CNGB1: variants seen among roughly 807,000 people sequenced by gnomAD.
CNGB1 encodes cyclic nucleotide-gated channel beta-1.
CNGB1 carries 126 observed loss-of-function variants against 151.7 expected under a neutral mutation model. The ratio of observed to expected loss-of-function variants is 0.83; its 90% CI spans 0.72 to 0.96. The LOEUF is 0.96. Ranked by LOEUF, CNGB1 falls within the 40% of genes least tolerant of loss-of-function variation. The pLI, the probability that CNGB1 is intolerant of heterozygous loss-of-function variation, is 0.00. For missense variants in CNGB1, 1,698 were observed against 1,627.0 expected (o/e 1.04, Z -0.75); for synonymous variants, 623 against 635.1 (o/e 0.98, Z 0.29).
chr16:57,903,740 G>C, intron 27 of CNGB1, 82 bp downstream of exon 27: 1 of 1,516,334 alleles, frequency 6.6e-7, no homozygotes, highest in Non-Finnish European at 9.1e-7. Context: ...GGACGAGGGA[G>C]GCGCCCCGAA....
In CNGB1 at chr16:57,882,784, T is replaced by C. The variant is rs533584185; in HGVS notation, c.*1380A>G. 45 of 146,858 alleles carry C rather than the reference T, an allele frequency of 3.1e-4. No homozygotes were observed. The highest frequency in any genetic ancestry group is 1.0e-3 in the African/African-American group (41 of 40,358). The allele number at this position is 146,858 out of a possible 1,614,324, so 9.1% of individuals were successfully genotyped here. A position where few individuals can be genotyped will look rare whatever the true frequency, so the allele number is the denominator to read the frequency against. ...CATTCCCTGAATGACCCTTTTTTCT[T>C]TTTTTTTCTTTTTTCTTTTTTTTTT... On this transcript the variant is annotated 3_prime_UTR_variant, in exon 33 of 33. Transcript: ENST00000251102.
Position 57,967,168 on chromosome 16 carries a change from T to G in CNGB1, c.119A>C (p.Glu40Ala), listed in dbSNP as rs1006717861. 5 of 1,614,068 alleles carry G rather than the reference T, an allele frequency of 3.1e-6. No individual in the cohort carries two copies. The Admixed American group carries it at 5.0e-5, about 16-fold the overall frequency. The change falls in exon 2 of 33, where the codon GAA becomes GCA. Residue 40 changes from glutamate (E) to alanine (A), a missense_variant. Physicochemically the swap from Glu to Ala is moderately radical, Grantham distance 107. Transcript: ENST00000251102. ...TGTCTCGGCCTCCTCAGGATTCGGT[T>G]CTGGTTCCACCTCCGCCTCCATCTC... ...EPEMEAEVEP[E>A]PNPEEAETES...
intron 16 of CNGB1, chr16:57,937,354 TGGGGA>T (rs1961540519): frequency 6.6e-6 from 1 of 152,450 alleles, no homozygotes; most frequent in South Asian, 2.1e-4. Context: ...GGAGTGACCC[TGGGGA>T]CTGCAATTAG....
At position 57,923,288 on chromosome 16, in the gene CNGB1, G is replaced by A. The variant is rs1961097251; in HGVS notation, c.1628C>T (p.Thr543Ile). 1.2e-6 allele frequency: 2 copies of A among 1,612,790 alleles called. No individual in the cohort carries two copies. Among genetic ancestry groups the A allele is most frequent in the South Asian group, 1.1e-5 (1 of 91,038 alleles). Residue 543 changes from threonine (T) to isoleucine (I), a missense_variant, in exon 18 of 33, where the codon ACC becomes ATC. Physicochemically the swap from Thr to Ile is moderately conservative, Grantham distance 89 (BLOSUM62 -1). Transcript: ENST00000251102. ...GGGGTCTCACTCAGTGTCCTTCGGG[G>A]TGGTGGGGTCAGACCAGGCAACCAC... ...SPVVAWSDPTTPKDTDGQDRA... is the reference protein window; with the variant it reads ...SPVVAWSDPTIPKDTDGQDRA...
intron 1 of CNGB1, among the ~76,000 whole-genome samples, chr16:57,967,879 A>G (rs1239277815): frequency 1.3e-5 from 2 of 152,172 alleles, no homozygotes; most frequent in Non-Finnish European, 2.9e-5. Flanking sequence ...GGTTGCAACA[A>G]TGTTATAGCA....
intron 26 of CNGB1, 50 bp from the exon 27 acceptor site, chr16:57,904,031 T>C: frequency 6.4e-7 from 1 of 1,571,648 alleles, no homozygotes; most frequent in Non-Finnish European, 8.7e-7. Context: ...TCATTGGGGG[T>C]GGGCGCTATT....
At chr16:57,950,270 A>G in intron 13 of CNGB1, 111 bp downstream of exon 13, 2 of 1,293,350 alleles carry the variant, frequency 1.5e-6, no homozygotes, top group Non-Finnish European at 2.2e-6. Context: ...AGGCAGGGGG[A>G]AGCAGGCTTG....
At chr16:57,899,351 A>G (rs574018243) in intron 29 of CNGB1, among the ~76,000 whole-genome samples, 4 of 152,246 alleles carry the variant, frequency 2.6e-5, no homozygotes, top group African/African-American at 9.6e-5. Context: ...ATAATAATTA[A>G]AAAGGGGGCC....
chr16:57,900,416 C>T (rs898342226), intron 29 of CNGB1, among the ~76,000 whole-genome samples: 6 of 152,168 alleles, frequency 3.9e-5, no homozygotes, highest in Non-Finnish European at 7.3e-5. Flanking sequence ...AATGTTTCCC[C>T]CCGTATGCTT....
chr16:57,926,838 G>T (rs1345060307), intron 17 of CNGB1, among the ~76,000 whole-genome samples: 1 of 152,136 alleles, frequency 6.6e-6, no homozygotes, highest in Admixed American at 6.5e-5. Context: ...AAATTAGCCG[G>T]GTATGGTGGC....
At chr16:57,933,902 T>C (rs1961431674) in intron 16 of CNGB1, among the ~76,000 whole-genome samples, 1 of 151,952 alleles carries the variant, frequency 6.6e-6, no homozygotes, top group Non-Finnish European at 1.5e-5. Context: ...TTTGTATTTT[T>C]AGTGGAGACG....
At chr16:57,923,081 A>G (rs1290589905) in intron 18 of CNGB1, 192 bp downstream of exon 18, 7 of 480,438 alleles carry the variant, frequency 1.5e-5, no homozygotes. Flanking sequence ...GGTTGAGCCC[A>G]CTGGATTTAA....
intron 31 of CNGB1, among the ~76,000 whole-genome samples, chr16:57,888,908 T>C (rs1960011452): frequency 6.6e-6 from 1 of 152,186 alleles, no homozygotes; most frequent in Non-Finnish European, 1.5e-5. Flanking sequence ...ATCACAATTA[T>C]CAGCATTTAC....
intron 17 of CNGB1, among the ~76,000 whole-genome samples, chr16:57,925,472 C>T (rs1401331197): frequency 1.3e-5 from 2 of 152,096 alleles, no homozygotes; most frequent in East Asian, 3.9e-4. Flanking sequence ...AAATAAAATG[C>T]AAGTTGGGAG....
intron 12 of CNGB1, chr16:57,955,510 T>C (rs1424838381): frequency 4.1e-6 from 3 of 723,382 alleles, no homozygotes; most frequent in South Asian, 3.4e-5. Context: ...CCCCATGACA[T>C]GGGACGTGAG....
Position 57,887,932 on chromosome 16 carries a change from G to A in CNGB1, c.3385C>T (p.Leu1129Phe). The change falls in exon 32 of 33, where the codon CTT (leucine) becomes TTT (phenylalanine). Residue 1129 changes from leucine (L) to phenylalanine (F), a missense_variant. Physicochemically the swap from Leu to Phe is conservative, Grantham distance 22. Transcript: ENST00000251102. ...MGGKGAKGGK[L>F]AHLRARLKEL... ...TTGAGCCGGGCCCGGAGGTGAGCAAGTTTGCCGCCTTTTGCCCCCTTGCCA... is the reference window on the plus strand; with the variant it reads ...TTGAGCCGGGCCCGGAGGTGAGCAAATTTGCCGCCTTTTGCCCCCTTGCCA... 1.2e-6 allele frequency: 2 copies of A among 1,614,218 alleles called. No homozygotes were observed. Among genetic ancestry groups the A allele is most frequent in the Non-Finnish European group, 1.7e-6 (2 of 1,180,040 alleles).
chr16:57,897,663 G>T, intron 30 of CNGB1, 120 bp from the exon 31 acceptor site: 1 of 1,534,466 alleles, frequency 6.5e-7, no homozygotes, highest in South Asian at 1.1e-5. Flanking sequence ...ACCTTCCCCC[G>T]CCCCCATCCC....
intron 1 of CNGB1, chr16:57,967,500 C>G: frequency 1.7e-6 from 1 of 578,222 alleles, no homozygotes; most frequent in Non-Finnish European, 3.1e-6. Flanking sequence ...TTGAGATCAG[C>G]CTGGGCAAGA....
chr16:57,957,777 A>G (rs559929460), intron 11 of CNGB1, among the ~76,000 whole-genome samples: 23 of 152,332 alleles, frequency 1.5e-4, no homozygotes, highest in African/African-American at 5.3e-4. Flanking sequence ...AATGCAGGTA[A>G]AGAGTTCTGT....
Sources: gnomAD v4.1 joint callset for allele counts (sites outside exome capture counted in the v4.1 genomes callset) on GRCh38, gnomAD v4.1.1 for gene constraint, MANE v1.5 for transcripts, NCBI Gene and HGNC (gene_info 2026-07-23, HGNC 2026-07-21) for gene names.